CPQ: variants seen among roughly 807,000 people sequenced by gnomAD.
CPQ encodes the protein carboxypeptidase Q.
In CPQ, 37 loss-of-function variants were observed where a neutral mutation model predicts 45.7. The ratio of observed to expected loss-of-function variants is 0.81; its 90% CI spans 0.62 to 1.07. The LOEUF is 1.07. Among genes scored for constraint, CPQ ranks in the 50% least tolerant of loss-of-function variants. The pLI is 0.00. For synonymous variants in CPQ, 186 were observed against 205.8 expected, an observed-to-expected ratio of 0.90 and a Z score of 0.82; for missense variants, 537 against 572.9, an observed-to-expected ratio of 0.94 and a Z score of 0.64.
chr8:96,842,518 G>GGA (rs35290948), intron 3 of CPQ, among the ~76,000 whole-genome samples: 110,609 of 151,814 alleles, frequency 0.73, 40,755 homozygotes, highest in East Asian at 0.98. Flanking sequence ...TCATGCAGGT[G>GGA]GGGCCACTGT....
At chr8:96,925,671 C>G (rs1460158398) in intron 4 of CPQ, among the ~76,000 whole-genome samples, 2 of 151,232 alleles carry the variant, frequency 1.3e-5, no homozygotes, top group South Asian at 2.1e-4. Flanking sequence ...GCATGAGCCA[C>G]CGTGCCTGGC....
chr8:97,045,120 T>G (rs958406317), intron 6 of CPQ, among the ~76,000 whole-genome samples: 2 of 152,230 alleles, frequency 1.3e-5, no homozygotes, highest in African/African-American at 4.8e-5. Flanking sequence ...CAGGGCTCCT[T>G]GAGCTGTGGT....
At chr8:96,819,776 T>G (rs1474033206) in intron 2 of CPQ, among the ~76,000 whole-genome samples, 1 of 152,076 alleles carries the variant, frequency 6.6e-6, no homozygotes, top group Non-Finnish European at 1.5e-5. Flanking sequence ...CAGGACCACT[T>G]CCACCTCTTG....
chr8:97,143,343 C>T lies in CPQ; in HGVS notation c.*160C>T. 1.5e-6 allele frequency: 1 copy of T among 679,770 alleles called. No homozygotes were observed. Among genetic ancestry groups the T allele is most frequent in the South Asian group, 2.1e-5 (1 of 46,644 alleles). The allele number at this position is 679,770 out of a possible 1,614,324, so 42.1% of individuals were successfully genotyped here. A position where few individuals can be genotyped will look rare whatever the true frequency, so the allele number is the denominator to read the frequency against. ...TATCTTTCTTGATACTTTCCAAATT[C>T]TCTGATTCTAGAAAAAGGAATCATT... On this transcript the variant is annotated 3_prime_UTR_variant, in exon 8 of 8. Transcript: ENST00000220763.
intron 1 of CPQ, among the ~76,000 whole-genome samples, chr8:96,729,979 G>C (rs1809889563): frequency 2.6e-5 from 4 of 152,146 alleles, no homozygotes; most frequent in Admixed American, 2.6e-4. Context: ...TTTGTATTTA[G>C]TGTTGAAAAT....
At chr8:96,662,976 A>G (rs1808857482) in intron 1 of CPQ, among the ~76,000 whole-genome samples, 1 of 152,214 alleles carries the variant, frequency 6.6e-6, no homozygotes, top group South Asian at 2.1e-4. Flanking sequence ...TACAGAGCAA[A>G]GCCCTGTCTC....
intron 4 of CPQ, among the ~76,000 whole-genome samples, chr8:96,956,855 A>G (rs1813365467): frequency 6.6e-6 from 1 of 152,214 alleles, no homozygotes; most frequent in Admixed American, 6.5e-5. Context: ...AACTGCGATG[A>G]CCGGGCTAAT....
At position 97,091,555 on chromosome 8, in the gene CPQ, G is replaced by A. The variant is rs116201695; in HGVS notation, c.1255+25345G>A. Reference sequence around the variant, plus strand: ...CCTTTGTAGCATAAAATCAGTTTTAGGGCAGTATGATTTTTCATGGTGAAC... The same window carrying A: ...CCTTTGTAGCATAAAATCAGTTTTAAGGCAGTATGATTTTTCATGGTGAAC... On this transcript the variant is annotated intron_variant, in intron 7 of 7. Transcript: ENST00000220763. Among the ~76,000 whole-genome samples the A allele has an allele frequency of 2.9e-3, 436 of 152,190 alleles. 1 individual carries two copies. Among genetic ancestry groups the A allele is most frequent in the African/African-American group, 9.0e-3 (374 of 41,518 alleles).
intron 6 of CPQ, among the ~76,000 whole-genome samples, chr8:97,040,659 T>A (rs1437902440): frequency 1.3e-5 from 2 of 152,238 alleles, no homozygotes; most frequent in African/African-American, 2.4e-5. Context: ...TTAATTTTTG[T>A]ATAAGGTGTA....
At chr8:97,063,865 G>A (rs2513342) in intron 6 of CPQ, among the ~76,000 whole-genome samples, 50,231 of 151,796 alleles carry the variant, frequency 0.33, 10,241 homozygotes, top group East Asian at 0.5. Context: ...TTTGATTACC[G>A]TAATCCTGTA....
intron 4 of CPQ, among the ~76,000 whole-genome samples, chr8:96,905,302 A>G (rs1317679842): frequency 2.0e-5 from 3 of 152,160 alleles, no homozygotes; most frequent in Non-Finnish European, 4.4e-5. Flanking sequence ...CCCTTCCTCT[A>G]ACATGTGGGG....
chr8:96,829,599 C>A (rs1205115348), intron 2 of CPQ, among the ~76,000 whole-genome samples: 2 of 152,038 alleles, frequency 1.3e-5, no homozygotes, highest in Non-Finnish European at 2.9e-5. Flanking sequence ...CTATTTTTGT[C>A]TTCTCTTCTT....
At chr8:96,775,917 A>G (rs2130801597) in intron 1 of CPQ, among the ~76,000 whole-genome samples, 1 of 152,294 alleles carries the variant, frequency 6.6e-6, no homozygotes, top group East Asian at 1.9e-4. Context: ...GATTAATGGG[A>G]CTGGACACTT....
At position 96,777,792 on chromosome 8, in the gene CPQ, T is replaced by C. The variant is rs1382822011; in HGVS notation, c.-34-7072T>C. Among the ~76,000 whole-genome samples the C allele has an allele frequency of 7.5e-4, 76 of 101,312 alleles. 1 individual carries two copies. The highest frequency in any genetic ancestry group is 2.7e-3 in the African/African-American group (75 of 27,614). The allele number at this position is 101,312 out of a possible 152,430, so 66.5% of individuals were successfully genotyped here. On this transcript the variant is annotated intron_variant, in intron 1 of 7. Transcript: ENST00000220763. ...TTTTTTTTTTTTTTTTTTTTTTTTT[T>C]TTCTGGACTCACTGCAAACTCTGCC... is the stretch of plus-strand genomic sequence containing the variant.
intron 1 of CPQ, among the ~76,000 whole-genome samples, chr8:96,742,321 T>G (rs1810104388): frequency 1.3e-5 from 2 of 152,212 alleles, no homozygotes; most frequent in Non-Finnish European, 2.9e-5. Flanking sequence ...TGTTTTCCAT[T>G]TGCTTGGTAG....
intron 6 of CPQ, among the ~76,000 whole-genome samples, chr8:97,040,608 T>C (rs1476996109): frequency 6.6e-6 from 1 of 152,276 alleles, no homozygotes; most frequent in East Asian, 1.9e-4. Context: ...AGGGTTGTTA[T>C]GGTTTTAGTT....
intron 5 of CPQ, among the ~76,000 whole-genome samples, chr8:97,004,130 T>TTTAAC (rs1327066900): frequency 6.6e-6 from 1 of 151,890 alleles, no homozygotes; most frequent in Non-Finnish European, 1.5e-5. Flanking sequence ...AATCACAGAA[T>TTTAAC]TTAACTTAAA....
intron 1 of CPQ, among the ~76,000 whole-genome samples, chr8:96,694,962 A>G (rs1388428723): frequency 1.3e-5 from 2 of 152,196 alleles, no homozygotes; most frequent in East Asian, 1.9e-4. Context: ...ATGGAACCAA[A>G]AAAGAGCCCG....
At chr8:96,778,354 C>G (rs913271247) in intron 1 of CPQ, among the ~76,000 whole-genome samples, 1 of 152,032 alleles carries the variant, frequency 6.6e-6, no homozygotes, top group Non-Finnish European at 1.5e-5. Flanking sequence ...TAATAAAATT[C>G]TGTAGTGCTG....
Sources: gnomAD v4.1 joint callset for allele counts (sites outside exome capture counted in the v4.1 genomes callset) on GRCh38, gnomAD v4.1.1 for gene constraint, MANE v1.5 for transcripts, NCBI Gene and HGNC (gene_info 2026-07-23, HGNC 2026-07-21) for gene names.